The following LAMA3 variants were observed in gnomAD, a reference collection of about 807,000 sequenced individuals.
The protein encoded by LAMA3 is laminin subunit alpha 3.
In LAMA3, 281 loss-of-function variants were observed where a neutral mutation model predicts 402.0. That is an observed-to-expected ratio of 0.70 (90% CI 0.63 to 0.77). LAMA3 has a LOEUF of 0.77. Ranked by LOEUF, LAMA3 falls within the 30% of genes least tolerant of loss-of-function variation. The pLI, the probability that LAMA3 is intolerant of heterozygous loss-of-function variation, is 0.00. For missense variants in LAMA3, 3,840 were observed against 4,215.5 expected (o/e 0.91, Z 2.47); for synonymous variants, 1,431 against 1,558.4 (o/e 0.92, Z 1.93).
At chr18:23,926,597 G>T (rs531326969) in intron 62 of LAMA3, among the ~76,000 whole-genome samples, 8 of 152,224 alleles carry the variant, frequency 5.3e-5, no homozygotes, top group African/African-American at 9.6e-5. Context: ...GGATTAAAAT[G>T]AATGCAGACA....
At chr18:23,881,457 A>G (rs1466878644) in intron 39 of LAMA3, among the ~76,000 whole-genome samples, 1 of 152,236 alleles carries the variant, frequency 6.6e-6, no homozygotes, top group African/African-American at 2.4e-5. Context: ...AAGCAGTGCT[A>G]AGGGGAAGAA....
chr18:23,699,522 G>C (rs2060752850), intron 1 of LAMA3, among the ~76,000 whole-genome samples: 1 of 152,198 alleles, frequency 6.6e-6, no homozygotes, highest in Non-Finnish European at 1.5e-5. Context: ...CTATCTCCTT[G>C]AGGAAGGTGT....
At chr18:23,922,000 T>C (rs1309290664) in intron 62 of LAMA3, among the ~76,000 whole-genome samples, 1 of 152,226 alleles carries the variant, frequency 6.6e-6, no homozygotes, top group Non-Finnish European at 1.5e-5. Flanking sequence ...TCTGGAAGAA[T>C]GTGAAACAGT....
chr18:23,897,489 G>A (rs1330382453), intron 44 of LAMA3, among the ~76,000 whole-genome samples: 4 of 152,158 alleles, frequency 2.6e-5, no homozygotes, highest in African/African-American at 9.7e-5. Context: ...CACACACGCT[G>A]TTTGCCACAC....
At position 23,836,991 on chromosome 18, in the gene LAMA3, C is replaced by T. The variant is rs754564551; in HGVS notation, c.2995C>T (p.Arg999Trp). 111 of 1,613,088 alleles carry T rather than the reference C, an allele frequency of 6.9e-5. No homozygotes were observed. The highest frequency in any genetic ancestry group is 3.0e-5 in the Non-Finnish European group (35 of 1,179,480). The part of the protein sequence containing the change: ...IYSCNYSVLC[R>W]SAVIDHMSRI... ...TGTTTTCTCTTGCAGTGTTCTCTGC[C>T]GGAGTGCTGTGATTGATCACATGAG... The change falls in exon 25 of 75, where the codon CGG becomes TGG. Residue 999 changes from arginine (R) to tryptophan (W), a missense_variant. Arg to Trp is a moderately radical substitution (Grantham distance 101). This residue lies in a region of LAMA3 where 2,109 missense variants were observed against 2,376.0 expected (regional missense o/e 0.89). Transcript: ENST00000313654.
At chr18:23,833,720 A>C in intron 23 of LAMA3, 108 bp from the exon 24 acceptor site, 1 of 1,244,302 alleles carries the variant, frequency 8.0e-7, no homozygotes, top group South Asian at 1.2e-5. Flanking sequence ...GACATATAAA[A>C]ATACTTCCAG....
intron 44 of LAMA3, among the ~76,000 whole-genome samples, chr18:23,895,308 A>G (rs1040147827): frequency 6.6e-6 from 1 of 152,216 alleles, no homozygotes; most frequent in Non-Finnish European, 1.5e-5. Context: ...CCTTTATTTC[A>G]GTATCTTGCA....
At chr18:23,802,997 T>A (rs2062892945) in intron 12 of LAMA3, among the ~76,000 whole-genome samples, 1 of 152,304 alleles carries the variant, frequency 6.6e-6, no homozygotes, top group South Asian at 2.1e-4. Context: ...GTGGTGAGAT[T>A]AGTGAATTCC....
At chr18:23,714,192 TG>T in intron 2 of LAMA3, 120 bp downstream of exon 2, 1 of 978,054 alleles carries the variant, frequency 1.0e-6, no homozygotes, top group Non-Finnish European at 1.5e-6. Flanking sequence ...CCCTCATCAT[TG>T]TTAAACCTGT....
chr18:23,873,301 G>A, intron 38 of LAMA3: 1 of 1,186,994 alleles, frequency 8.4e-7, no homozygotes, highest in South Asian at 1.2e-5. Flanking sequence ...TGATTAATGA[G>A]TAAATGGGTG....
At chr18:23,712,135 C>T (rs1206502587) in intron 1 of LAMA3, among the ~76,000 whole-genome samples, 1 of 152,066 alleles carries the variant, frequency 6.6e-6, no homozygotes. Context: ...AATCCCAGCA[C>T]TTTGGGAGGC....
chr18:23,822,284 G>A lies in LAMA3; in HGVS notation c.2337G>A (p.Lys779=), dbSNP rs2063300518. Residue 779 remains lysine, a synonymous_variant, in exon 20 of 75, where the codon AAG becomes AAA. Coordinates refer to ENST00000313654, the MANE Select transcript of LAMA3 (RefSeq NM_198129.4). The part of the protein sequence containing the change: ...NDVRITLNVG[K]SSGSLFRVIL... Reference sequence around the variant, plus strand: ...TAAGAATAACATTGAATGTAGGGAAGTCAAGTGGCTCCTTGTTTCGTGTTA... The same window carrying A: ...TAAGAATAACATTGAATGTAGGGAAATCAAGTGGCTCCTTGTTTCGTGTTA... 1 of 1,613,910 alleles carries A rather than the reference G, an allele frequency of 6.2e-7. No homozygotes were observed. Among genetic ancestry groups the A allele is most frequent in the East Asian group, 2.2e-5 (1 of 44,876 alleles).
At chr18:23,814,529 C>T in intron 15 of LAMA3, 27 bp downstream of exon 15, 1 of 1,395,600 alleles carries the variant, frequency 7.2e-7, no homozygotes, top group Non-Finnish European at 1.0e-6. Flanking sequence ...TCATAATTTA[C>T]TATATTATAA....
At chr18:23,911,340 T>G (rs2081418253) in intron 55 of LAMA3, among the ~76,000 whole-genome samples, 1 of 152,216 alleles carries the variant, frequency 6.6e-6, no homozygotes, top group South Asian at 2.1e-4. Context: ...ATCTCATTCT[T>G]TTGTATTCGA....
At position 23,746,883 on chromosome 18, in the gene LAMA3, TA is replaced by T. The variant is rs920353533; in HGVS notation, c.448-1048del. Among the ~76,000 whole-genome samples, 81 of 141,394 alleles carry T rather than the reference TA, an allele frequency of 5.7e-4. No homozygotes were observed. In the South Asian group the frequency reaches 6.8e-3, roughly 12 times the overall value. The allele number at this position is 141,394 out of a possible 152,430, so 92.8% of individuals were successfully genotyped here. A position where few individuals can be genotyped will look rare whatever the true frequency, so the allele number is the denominator to read the frequency against. ...TACATTAGCTGGCAGTTCTCAGACTTAAAAAAAAAAAACAACTTACCATACT... is the reference window on the plus strand; with the variant it reads ...TACATTAGCTGGCAGTTCTCAGACTTAAAAAAAAAAACAACTTACCATACT... On this transcript the variant is annotated intron_variant, in intron 2 of 74. Coordinates refer to ENST00000313654, the MANE Select transcript of LAMA3 (RefSeq NM_198129.4).
At chr18:23,732,079 C>G (rs1396337288) in intron 2 of LAMA3, among the ~76,000 whole-genome samples, 1 of 152,146 alleles carries the variant, frequency 6.6e-6, no homozygotes, top group African/African-American at 2.4e-5. Flanking sequence ...CAGTGCTTCC[C>G]AAACCTTAGT....
intron 23 of LAMA3, among the ~76,000 whole-genome samples, chr18:23,830,735 T>C (rs1197309853): frequency 2.0e-5 from 3 of 152,212 alleles, no homozygotes; most frequent in African/African-American, 7.2e-5. Context: ...TTAGAATTTG[T>C]CAATGCTCAG....
At chr18:23,940,942 T>TC (rs1285420121) in intron 68 of LAMA3, among the ~76,000 whole-genome samples, 8 of 148,226 alleles carry the variant, frequency 5.4e-5, no homozygotes, top group Non-Finnish European at 1.2e-4. Context: ...TTCTTTTCTT[T>TC]TTTTTTTTTT....
At position 23,854,869 on chromosome 18, in the gene LAMA3, C is replaced by T. The variant is rs1008514259; in HGVS notation, c.4137-2975C>T. Among the ~76,000 whole-genome samples, 4 of 151,416 alleles carry T rather than the reference C, an allele frequency of 2.6e-5. No homozygotes were observed. The South Asian group carries it at 6.3e-4, about 24-fold the overall frequency. On this transcript the variant is annotated intron_variant, in intron 32 of 74. Transcript: ENST00000313654. ...GCATGGTGGTAGGCGCCTGTAGTCC[C>T]AGCTACTCGGGAGGCTGAGGCAGGA...
Sources: allele counts gnomAD v4.1 joint callset (sites outside exome capture counted in the v4.1 genomes callset), GRCh38; gene constraint gnomAD v4.1.1; regional missense constraint gnomAD v4.1.1; transcripts MANE v1.5; gene names NCBI Gene and HGNC (gene_info 2026-07-23, HGNC 2026-07-21).